NLK: variants seen among roughly 807,000 people sequenced by gnomAD.
The protein encoded by NLK is serine/threonine-protein kinase NLK.
NLK carries 11 observed loss-of-function variants against 59.0 expected under a neutral mutation model. The observed-to-expected ratio is 0.19, with a 90% CI of 0.12 to 0.31. The LOEUF (loss-of-function observed/expected upper bound fraction) is 0.31. Ranked by LOEUF, NLK falls within the 10% of genes least tolerant of loss-of-function variation. NLK has a pLI of 1.00. For missense variants in NLK, 410 were observed against 661.1 expected (o/e 0.62, Z 4.16); for synonymous variants, 235 against 235.9 (o/e 1.00, Z 0.03).
rs183698845 is a variant in NLK, at chr17:28,059,034, G to A, written c.458+15703G>A. Among the ~76,000 whole-genome samples, 614 of 152,214 alleles carry A rather than the reference G, an allele frequency of 4.0e-3. 7 individuals are homozygous for A. Among genetic ancestry groups the A allele is most frequent in the African/African-American group, 0.014 (590 of 41,546 alleles). ...CCAGCTACTTGGGAGGCTGAGGTGGGAGCATGGCTTGAGGCCAGGAGGCAG... is the reference window on the plus strand; with the variant it reads ...CCAGCTACTTGGGAGGCTGAGGTGGAAGCATGGCTTGAGGCCAGGAGGCAG... On this transcript the variant is annotated intron_variant, in intron 1 of 10. Coordinates refer to ENST00000407008, the MANE Select transcript of NLK (RefSeq NM_016231.5).
At chr17:28,185,935 C>T (rs550535797) in intron 8 of NLK, among the ~76,000 whole-genome samples, 1 of 152,098 alleles carries the variant, frequency 6.6e-6, no homozygotes, top group Admixed American at 6.6e-5. Flanking sequence ...GAAGCTTTTC[C>T]CAATACCCTT....
intron 1 of NLK, among the ~76,000 whole-genome samples, chr17:28,094,903 G>T (rs1904645486): frequency 6.6e-6 from 1 of 152,120 alleles, no homozygotes; most frequent in Admixed American, 6.5e-5. Flanking sequence ...GCAAATTTGT[G>T]TTTATTTTTT....
chr17:28,161,046 T>G (rs1472923303), intron 3 of NLK, 114 bp from the exon 4 acceptor site: 2 of 632,878 alleles, frequency 3.2e-6, no homozygotes, highest in Non-Finnish European at 5.7e-6. Flanking sequence ...TCTAGAAGCT[T>G]TCTTTCCCCA....
intron 3 of NLK, among the ~76,000 whole-genome samples, chr17:28,139,011 T>C (rs913487932): frequency 2.6e-5 from 4 of 152,198 alleles, no homozygotes; most frequent in African/African-American, 9.7e-5. Flanking sequence ...ATCCCAGCAC[T>C]TGGGGAGGCC....
chr17:28,102,255 A>T (rs1320806476), intron 1 of NLK, among the ~76,000 whole-genome samples: 1 of 152,166 alleles, frequency 6.6e-6, no homozygotes, highest in Non-Finnish European at 1.5e-5. Context: ...TATTTTTATT[A>T]AGATAGAAAA....
chr17:28,065,594 A>G (rs958553065), intron 1 of NLK, among the ~76,000 whole-genome samples: 4 of 152,270 alleles, frequency 2.6e-5, no homozygotes, highest in African/African-American at 9.6e-5. Flanking sequence ...CTCAGGCAAT[A>G]CTAAGAAGAA....
chr17:28,106,344 A>G (rs752152146), intron 1 of NLK, among the ~76,000 whole-genome samples: 1 of 152,358 alleles, frequency 6.6e-6, no homozygotes, highest in South Asian at 2.1e-4. Context: ...ATGAAAATAC[A>G]TAAAATAGCC....
intron 3 of NLK, among the ~76,000 whole-genome samples, chr17:28,138,108 C>T (rs1275875258): frequency 2.0e-5 from 3 of 152,054 alleles, no homozygotes; most frequent in African/African-American, 7.2e-5. Context: ...TATTAGAAAA[C>T]GGAGTTTATT....
intron 1 of NLK, among the ~76,000 whole-genome samples, chr17:28,076,208 A>G (rs749986616): frequency 2.6e-5 from 4 of 152,232 alleles, no homozygotes; most frequent in African/African-American, 4.8e-5. Flanking sequence ...AGATGGAGTT[A>G]CTGTCAAAAT....
chr17:28,160,318 C>T (rs1227145627), intron 3 of NLK, among the ~76,000 whole-genome samples: 1 of 152,202 alleles, frequency 6.6e-6, no homozygotes, highest in African/African-American at 2.4e-5. Context: ...ATCAGTTCTC[C>T]TCCCTGTTCC....
intron 1 of NLK, among the ~76,000 whole-genome samples, chr17:28,089,874 T>TA (rs1325011164): frequency 1.3e-5 from 2 of 152,118 alleles, no homozygotes; most frequent in African/African-American, 4.8e-5. Context: ...TCTCTACTTT[T>TA]AAAAAAAATT....
At chr17:28,065,485 C>A (rs1909795964) in intron 1 of NLK, among the ~76,000 whole-genome samples, 1 of 152,010 alleles carries the variant, frequency 6.6e-6, no homozygotes, top group South Asian at 2.1e-4. Context: ...TATGAAGGAC[C>A]CTTTTTGCTT....
intron 1 of NLK, chr17:28,048,791 G>T (rs1217092711): frequency 1.3e-5 from 2 of 152,112 alleles, no homozygotes; most frequent in African/African-American, 4.8e-5. Context: ...AGCAATACAA[G>T]AATTAACTGT....
intron 1 of NLK, among the ~76,000 whole-genome samples, chr17:28,085,262 TC>T (rs1054855712): frequency 3.9e-5 from 6 of 152,290 alleles, no homozygotes; most frequent in African/African-American, 1.4e-4. Context: ...AAAGTTTACA[TC>T]AACCAGCAGA....
At chr17:28,070,343 A>G (rs1215039486) in intron 1 of NLK, among the ~76,000 whole-genome samples, 4 of 149,888 alleles carry the variant, frequency 2.7e-5, no homozygotes, top group African/African-American at 7.4e-5. Flanking sequence ...TAAGTTTTCC[A>G]TCTGAAATTA....
chr17:28,093,507 A>G (rs1041836771), intron 1 of NLK, among the ~76,000 whole-genome samples: 1 of 152,204 alleles, frequency 6.6e-6, no homozygotes, highest in African/African-American at 2.4e-5. Flanking sequence ...ATGGTCATCA[A>G]AGGGTTCCTT....
chr17:28,109,895 A>T (rs1905387182), intron 1 of NLK, among the ~76,000 whole-genome samples: 1 of 152,240 alleles, frequency 6.6e-6, no homozygotes, highest in South Asian at 2.1e-4. Context: ...TTTAAGGTGC[A>T]GCCAAACTGT....
chr17:28,085,962 A>ACACT (rs1336557617), intron 1 of NLK, among the ~76,000 whole-genome samples: 1 of 152,126 alleles, frequency 6.6e-6, no homozygotes, highest in African/African-American at 2.4e-5. Flanking sequence ...TTGTGTAAGT[A>ACACT]CACTCTATGA....
chr17:28,097,535 A>G (rs1001165208), intron 1 of NLK, among the ~76,000 whole-genome samples: 2 of 152,202 alleles, frequency 1.3e-5, no homozygotes, highest in African/African-American at 4.8e-5. Flanking sequence ...TTTTATAAAT[A>G]AATTATCCTT....
Sources: allele counts gnomAD v4.1 joint callset (sites outside exome capture counted in the v4.1 genomes callset), GRCh38; gene constraint gnomAD v4.1.1; transcripts MANE v1.5; gene names NCBI Gene and HGNC (gene_info 2026-07-23, HGNC 2026-07-21).